The following KIAA1958 variants were observed in gnomAD, a reference collection of about 807,000 sequenced individuals.
The protein encoded by KIAA1958 is KIAA1958, also known as uncharacterized protein KIAA1958.
In KIAA1958, 14 loss-of-function variants were observed where a neutral mutation model predicts 47.2. The ratio of observed to expected loss-of-function variants is 0.30; its 90% confidence interval spans 0.20 to 0.46. KIAA1958 has a LOEUF of 0.46. Among genes scored for constraint, KIAA1958 ranks in the 20% least tolerant of loss-of-function variants. The pLI, the probability that KIAA1958 is intolerant of heterozygous loss-of-function variation, is 1.00. For synonymous variants in KIAA1958, 354 were observed against 353.3 expected (o/e 1.00, Z -0.02); for missense variants, 803 against 909.2 (o/e 0.88, Z 1.50).
chr9:112,572,664 A>G (rs1219163002), intron 1 of KIAA1958, among the ~76,000 whole-genome samples: 1 of 152,186 alleles, frequency 6.6e-6, no homozygotes, highest in African/African-American at 2.4e-5. Flanking sequence ...CCAGGTGAGG[A>G]AAGAGAAGGG....
intron 3 of KIAA1958, 110 bp downstream of exon 3, chr9:112,645,932 G>T (rs2131243408): frequency 5.2e-6 from 4 of 771,754 alleles, no homozygotes; most frequent in Non-Finnish European, 7.7e-6. Context: ...TCTGCCTGGG[G>T]AAACTTTGGA....
At chr9:112,523,176 A>G (rs1021107804) in intron 1 of KIAA1958, among the ~76,000 whole-genome samples, 2 of 152,168 alleles carry the variant, frequency 1.3e-5, no homozygotes, top group African/African-American at 4.8e-5. Flanking sequence ...CTAGGGATTG[A>G]GGGTGGTTCC....
chr9:112,623,451 C>G (rs910811019), intron 2 of KIAA1958, among the ~76,000 whole-genome samples: 2 of 152,158 alleles, frequency 1.3e-5, no homozygotes, highest in Non-Finnish European at 2.9e-5. Flanking sequence ...GCTGTAGCTA[C>G]TTGTTCAAGA....
At chr9:112,529,369 CT>C (rs1254098762) in intron 1 of KIAA1958, among the ~76,000 whole-genome samples, 1 of 152,180 alleles carries the variant, frequency 6.6e-6, no homozygotes, top group Admixed American at 6.5e-5. Flanking sequence ...GAAGTCCATA[CT>C]TTATTTGAAT....
intron 1 of KIAA1958, among the ~76,000 whole-genome samples, chr9:112,492,212 A>G (rs980576847): frequency 3.9e-5 from 6 of 152,234 alleles, no homozygotes; most frequent in Admixed American, 1.3e-4. Flanking sequence ...GGCTAGAAGT[A>G]TAAGCTCAAA....
At chr9:112,616,078 A>T (rs1167240041) in intron 2 of KIAA1958, among the ~76,000 whole-genome samples, 1 of 152,260 alleles carries the variant, frequency 6.6e-6, no homozygotes, top group Non-Finnish European at 1.5e-5. Flanking sequence ...CATTGTAAAC[A>T]GTCAAGGAAG....
chr9:112,647,566 A>G (rs62575202), intron 3 of KIAA1958, among the ~76,000 whole-genome samples: 9,330 of 152,316 alleles, frequency 0.061, 366 homozygotes, highest in East Asian at 0.092. Flanking sequence ...GCCTTTAGAT[A>G]GCAGATTATA....
Position 112,516,279 on chromosome 9 carries a change from T to TAA in KIAA1958, c.-25+29172_-25+29173dup, listed in dbSNP as rs34888337. On this transcript the variant is annotated intron_variant, in intron 1 of 3. Coordinates refer to ENST00000337530, the MANE Select transcript of KIAA1958 (RefSeq NM_133465.4). ...GGCAACACAGTGAGACCTCATCTCTTAAAAAAAAAAAAGTCAGTTGTATTT... is the reference window on the plus strand; with the variant it reads ...GGCAACACAGTGAGACCTCATCTCTTAAAAAAAAAAAAAAGTCAGTTGTATTT... Among the ~76,000 whole-genome samples the TAA allele has an allele frequency of 6.4e-3, 944 of 147,734 alleles. 16 individuals carry two copies. Among genetic ancestry groups the TAA allele is most frequent in the African/African-American group, 0.021 (849 of 40,380 alleles).
rs894255798 is a variant in KIAA1958 at position 112,663,835 on chromosome 9, A to G, written c.*3766A>G. On this transcript the variant is annotated 3_prime_UTR_variant, in exon 4 of 4. Transcript: ENST00000337530. Reference sequence around the variant, plus strand: ...GTGAAATTTTGTTACTTTGATTTTTATTTTAATTCAAGCTTATTAAAAGCA... The same window carrying G: ...GTGAAATTTTGTTACTTTGATTTTTGTTTTAATTCAAGCTTATTAAAAGCA... 3.3e-5 allele frequency: 5 copies of G among 152,208 alleles called. No homozygotes were observed. Among genetic ancestry groups the G allele is most frequent in the East Asian group, 1.9e-4 (1 of 5,200 alleles). 9.4% of individuals were successfully genotyped at this position (152,208 alleles called of 1,614,324 possible).
In KIAA1958 at chr9:112,575,188, A is replaced by G. The variant is rs1458392415; in HGVS notation, c.1108A>G (p.Ser370Gly). 2.5e-6 allele frequency: 4 copies of G among 1,588,736 alleles called. No individual in the cohort carries two copies. Among genetic ancestry groups the G allele is most frequent in the Non-Finnish European group, 3.4e-6 (4 of 1,174,640 alleles). Residue 370 changes from serine (S) to glycine (G), a missense_variant, in exon 2 of 4, where the codon AGT (serine) becomes GGT (glycine). Physicochemically the swap from Ser to Gly is moderately conservative, Grantham distance 56 (BLOSUM62 0). Transcript: ENST00000337530. ...TAACACAGAGCCAGAAGTGAGCTCC[A>G]GTCAGCAGCAGCCCCCAGTCGCTCC... ...SVNTEPEVSS[S>G]QQQPPVAPAI...
chr9:112,631,491 A>G (rs886687381), intron 2 of KIAA1958, among the ~76,000 whole-genome samples: 2 of 143,366 alleles, frequency 1.4e-5, no homozygotes, highest in Non-Finnish European at 1.5e-5. Flanking sequence ...TGATTACGCC[A>G]CTGCACTCCA....
chr9:112,658,185 T>C (rs1837186442), intron 3 of KIAA1958, among the ~76,000 whole-genome samples: 1 of 152,200 alleles, frequency 6.6e-6, no homozygotes, highest in Admixed American at 6.5e-5. Context: ...AAACAACTGA[T>C]ATTGAAAACC....
rs1386509649 is a variant in KIAA1958 at position 112,661,611 on chromosome 9, A to G, written c.*1542A>G. 3 of 152,246 alleles carry G rather than the reference A, an allele frequency of 2.0e-5. No individual in the cohort carries two copies. Among genetic ancestry groups the G allele is most frequent in the Non-Finnish European group, 2.9e-5 (2 of 68,040 alleles). 9.4% of individuals were successfully genotyped at this position (152,246 alleles called of 1,614,324 possible). On this transcript the variant is annotated 3_prime_UTR_variant, in exon 4 of 4. Transcript: ENST00000337530. The stretch of plus-strand genomic sequence containing the variant: ...AAAATCATACACTAGTCATTGACAT[A>G]TGTAATACTTCCTTTACCAGAGAAG...
rs144983608 is a variant in KIAA1958 at position 112,524,883 on chromosome 9, A to T, written c.-25+37765A>T. Among the ~76,000 whole-genome samples the T allele has an allele frequency of 2.9e-3, 441 of 152,324 alleles. 3 individuals carry two copies. Among genetic ancestry groups the T allele is most frequent in the African/African-American group, 0.01 (419 of 41,560 alleles). ...TCCAAAGGAGTCAAGGCTTATCACTATGGTAAACTAGGGTTGCATTTTCTC... is the reference window on the plus strand; with the variant it reads ...TCCAAAGGAGTCAAGGCTTATCACTTTGGTAAACTAGGGTTGCATTTTCTC... On this transcript the variant is annotated intron_variant, in intron 1 of 3. Coordinates refer to ENST00000337530, the MANE Select transcript of KIAA1958 (RefSeq NM_133465.4).
chr9:112,500,961 A>G (rs1046533878), intron 1 of KIAA1958, among the ~76,000 whole-genome samples: 1 of 151,546 alleles, frequency 6.6e-6, no homozygotes, highest in Non-Finnish European at 1.5e-5. Flanking sequence ...AAAAAAAAAA[A>G]TTAGCCCGGC....
In KIAA1958 at chr9:112,661,094, G is replaced by T. The variant is rs1283126524; in HGVS notation, c.*1025G>T. On this transcript the variant is annotated 3_prime_UTR_variant, in exon 4 of 4. Transcript: ENST00000337530. The stretch of plus-strand genomic sequence containing the variant: ...ATCCCCAAACTTTCTTTATTAAAGA[G>T]ATTTGGAATATTTTTGTCAATGTAT... The T allele has an allele frequency of 6.6e-6, 1 of 152,172 alleles. No homozygotes were observed. Among genetic ancestry groups the T allele is most frequent in the Non-Finnish European group, 1.5e-5 (1 of 68,024 alleles). The allele number at this position is 152,172 out of a possible 1,614,324, so 9.4% of individuals were successfully genotyped here.
At chr9:112,614,172 T>A (rs1449245769) in intron 2 of KIAA1958, among the ~76,000 whole-genome samples, 1 of 152,110 alleles carries the variant, frequency 6.6e-6, no homozygotes, top group Admixed American at 6.5e-5. Flanking sequence ...GAGTTTACGT[T>A]CTAAGAGTCC....
intron 2 of KIAA1958, among the ~76,000 whole-genome samples, chr9:112,620,991 A>G (rs1353155931): frequency 2.0e-5 from 3 of 152,180 alleles, no homozygotes; most frequent in Admixed American, 1.3e-4. Flanking sequence ...TCTTTATTTT[A>G]TGGTCAGGTC....
intron 1 of KIAA1958, among the ~76,000 whole-genome samples, chr9:112,493,453 A>G (rs1211773670): frequency 6.6e-6 from 1 of 152,200 alleles, no homozygotes; most frequent in Non-Finnish European, 1.5e-5. Context: ...CAGTCCAGAA[A>G]TTTAGGAGTT....
Sources: allele counts gnomAD v4.1 joint callset (sites outside exome capture counted in the v4.1 genomes callset), GRCh38; gene constraint gnomAD v4.1.1; transcripts MANE v1.5; gene names NCBI Gene and HGNC (gene_info 2026-07-23, HGNC 2026-07-21).